CTNND2: variants seen among roughly 807,000 people sequenced by gnomAD.
The protein encoded by CTNND2 is catenin delta 2, also known as catenin delta-2.
Under a neutral mutation model 144.4 loss-of-function variants are expected in CTNND2, and 22 were observed. The observed-to-expected ratio is 0.15, with a 90% CI of 0.11 to 0.22. The LOEUF is 0.22. Ranked by LOEUF, CTNND2 falls within the 10% of genes least tolerant of loss-of-function variation. The pLI, the probability that CTNND2 is intolerant of heterozygous loss-of-function variation, is 1.00. For missense variants in CTNND2, 1,353 were observed against 1,618.8 expected (o/e 0.84, Z 2.82); for synonymous variants, 751 against 695.6 (o/e 1.08, Z -1.25).
At chr5:11,225,705 C>T (rs892489982) in intron 10 of CTNND2, among the ~76,000 whole-genome samples, 3 of 152,162 alleles carry the variant, frequency 2.0e-5, no homozygotes, top group Non-Finnish European at 4.4e-5. Flanking sequence ...GATCTCACCT[C>T]CTACCCCTCG....
At chr5:11,330,485 A>G (rs1220855182) in intron 9 of CTNND2, among the ~76,000 whole-genome samples, 1 of 117,724 alleles carries the variant, frequency 8.5e-6, no homozygotes, top group African/African-American at 4.6e-5. Flanking sequence ...CTCCGTCTCA[A>G]AAAAAAAAAA....
intron 1 of CTNND2, among the ~76,000 whole-genome samples, chr5:11,813,576 T>G (rs569799206): frequency 9.2e-5 from 14 of 152,352 alleles, no homozygotes; most frequent in African/African-American, 2.6e-4. Context: ...GCAACAGATA[T>G]TTTTGGTGAT....
chr5:11,514,313 C>T (rs1036718506), intron 3 of CTNND2, among the ~76,000 whole-genome samples: 2 of 151,878 alleles, frequency 1.3e-5, no homozygotes, highest in African/African-American at 4.8e-5. Flanking sequence ...AGCCTAATAC[C>T]TGGCTACATA....
chr5:11,028,337 GA>G (rs1743082141), intron 16 of CTNND2, among the ~76,000 whole-genome samples: 1 of 152,106 alleles, frequency 6.6e-6, no homozygotes. Flanking sequence ...GGTTTTTGCT[GA>G]GGTGCTCTGA....
intron 1 of CTNND2, among the ~76,000 whole-genome samples, chr5:11,784,149 G>A (rs1790705522): frequency 6.6e-6 from 1 of 152,196 alleles, no homozygotes; most frequent in African/African-American, 2.4e-5. Flanking sequence ...CTGTAAAAGA[G>A]CTATTGTTGA....
At chr5:11,229,049 A>G (rs558893872) in intron 10 of CTNND2, among the ~76,000 whole-genome samples, 10 of 152,330 alleles carry the variant, frequency 6.6e-5, no homozygotes, top group African/African-American at 2.2e-4. Context: ...AACACTTCAT[A>G]TATAAGACAG....
intron 7 of CTNND2, among the ~76,000 whole-genome samples, chr5:11,375,856 G>A (rs1000307915): frequency 6.6e-6 from 1 of 152,160 alleles, no homozygotes; most frequent in African/African-American, 2.4e-5. Flanking sequence ...AAAGGGGACT[G>A]TTTTTCGTCA....
At chr5:11,544,654 T>C (rs978862278) in intron 3 of CTNND2, among the ~76,000 whole-genome samples, 10 of 152,236 alleles carry the variant, frequency 6.6e-5, no homozygotes, top group African/African-American at 2.4e-4. Flanking sequence ...AATCATTCTT[T>C]ATGATGAAAC....
intron 9 of CTNND2, among the ~76,000 whole-genome samples, chr5:11,269,768 C>T (rs1211091495): frequency 6.6e-6 from 1 of 152,142 alleles, no homozygotes; most frequent in Non-Finnish European, 1.5e-5. Flanking sequence ...ATGATTTTTA[C>T]AGGAGTAAAA....
intron 1 of CTNND2, among the ~76,000 whole-genome samples, chr5:11,878,511 G>C (rs962971132): frequency 5.9e-5 from 9 of 152,114 alleles, no homozygotes; most frequent in Admixed American, 1.3e-4. Flanking sequence ...CAAATGTTTG[G>C]CAGTGTTCTA....
intron 1 of CTNND2, among the ~76,000 whole-genome samples, chr5:11,752,654 T>C (rs1197824990): frequency 6.6e-6 from 1 of 151,914 alleles, no homozygotes; most frequent in Admixed American, 6.6e-5. Flanking sequence ...TTGCTTAGGA[T>C]TTCTTGGGCT....
chr5:11,154,789 A>G (rs954576518), intron 12 of CTNND2, among the ~76,000 whole-genome samples: 1 of 152,172 alleles, frequency 6.6e-6, no homozygotes, highest in Non-Finnish European at 1.5e-5. Context: ...GCTCTTGGGA[A>G]AATTCCTTCC....
intron 21 of CTNND2, among the ~76,000 whole-genome samples, chr5:10,980,397 G>A (rs1438175903): frequency 8.6e-5 from 13 of 152,046 alleles, no homozygotes; most frequent in African/African-American, 2.4e-4. Flanking sequence ...GTCAGGAAAC[G>A]AGATGCTGGA....
chr5:11,068,711 C>T (rs553295053), intron 16 of CTNND2, among the ~76,000 whole-genome samples: 17 of 152,112 alleles, frequency 1.1e-4, no homozygotes, highest in African/African-American at 3.9e-4. Flanking sequence ...GTCAGGAGAT[C>T]GAGACCATCC....
At chr5:11,422,044 G>A (rs1762404871) in intron 3 of CTNND2, among the ~76,000 whole-genome samples, 1 of 152,164 alleles carries the variant, frequency 6.6e-6, no homozygotes, top group African/African-American at 2.4e-5. Context: ...CAAAAGTTAA[G>A]CTATCATTAC....
At chr5:11,239,780 G>A (rs1051945971) in intron 9 of CTNND2, among the ~76,000 whole-genome samples, 1 of 152,164 alleles carries the variant, frequency 6.6e-6, no homozygotes, top group Admixed American at 6.5e-5. Flanking sequence ...CGGGGCCTCA[G>A]GCTCTTTACA....
At chr5:11,483,230 A>C (rs1768452833) in intron 3 of CTNND2, among the ~76,000 whole-genome samples, 1 of 152,196 alleles carries the variant, frequency 6.6e-6, no homozygotes, top group African/African-American at 2.4e-5. Context: ...ACAGTCAAAG[A>C]TAATACCTGA....
chr5:11,762,762 G>T (rs1789345076), intron 1 of CTNND2, among the ~76,000 whole-genome samples: 1 of 152,194 alleles, frequency 6.6e-6, no homozygotes, highest in Non-Finnish European at 1.5e-5. Flanking sequence ...TCAAACCCCA[G>T]TACTGCCTTC....
At chr5:11,291,467 T>C (rs1180314931) in intron 9 of CTNND2, among the ~76,000 whole-genome samples, 1 of 152,136 alleles carries the variant, frequency 6.6e-6, no homozygotes, top group Non-Finnish European at 1.5e-5. Context: ...TGTGTCAATG[T>C]CTGCCACTTC....
Sources: gnomAD v4.1 joint callset for allele counts (sites outside exome capture counted in the v4.1 genomes callset) on GRCh38, gnomAD v4.1.1 for gene constraint, MANE v1.5 for transcripts, NCBI Gene and HGNC (gene_info 2026-07-23, HGNC 2026-07-21) for gene names.